Variants in DNAH7 observed in about 807,000 individuals in gnomAD.
The protein encoded by DNAH7 is axonemal beta dynein heavy chain 7.
A neutral mutation model predicts 444.6 loss-of-function variants in DNAH7; 397 were observed. That is an observed-to-expected ratio of 0.89 (90% CI 0.82 to 0.97). DNAH7 has a LOEUF of 0.97. Ranked by LOEUF, DNAH7 falls within the 50% of genes least tolerant of loss-of-function variation. The pLI is 0.00. For synonymous variants in DNAH7, 1,636 were observed against 1,624.4 expected (o/e 1.01, Z -0.17); for missense variants, 4,902 against 4,800.8 (o/e 1.02, Z -0.62).
At chr2:195,870,982 C>A (rs1700652215) in intron 40 of DNAH7, among the ~76,000 whole-genome samples, 3 of 152,088 alleles carry the variant, frequency 2.0e-5, no homozygotes, top group Admixed American at 2.0e-4. Context: ...CCCATGTGGC[C>A]CCCAAACACA....
At chr2:195,818,471 TCTC>T (rs1173543905) in intron 49 of DNAH7, among the ~76,000 whole-genome samples, 1 of 152,128 alleles carries the variant, frequency 6.6e-6, no homozygotes, top group Non-Finnish European at 1.5e-5. Flanking sequence ...ATTGTCCACA[TCTC>T]CTGTTTCTTT....
chr2:195,836,647 C>A (rs1698389527), intron 47 of DNAH7, among the ~76,000 whole-genome samples: 1 of 151,754 alleles, frequency 6.6e-6, no homozygotes, highest in African/African-American at 2.4e-5. Flanking sequence ...ATCTTAGATG[C>A]AATTAACTAA....
intron 61 of DNAH7, among the ~76,000 whole-genome samples, chr2:195,770,959 G>A (rs916517440): frequency 6.7e-6 from 1 of 149,724 alleles, no homozygotes; most frequent in Admixed American, 6.7e-5. Context: ...GCCTCCCAAA[G>A]TGCTAGGATT....
chr2:196,049,907 T>C lies in DNAH7; in HGVS notation c.141+1280A>G, dbSNP rs1697361582. Among the ~76,000 whole-genome samples the C allele has an allele frequency of 2.6e-5, 4 of 152,240 alleles. No individual in the cohort carries two copies. The South Asian group carries it at 6.2e-4, about 24-fold the overall frequency. On this transcript the variant is annotated intron_variant, in intron 3 of 64. Transcript: ENST00000312428. ...TATTCCATTTCAGTTTTTTATCTTT[T>C]ACACTAGAAAATTAAGAGGGATTTT...
At chr2:195,887,790 A>C in intron 33 of DNAH7, among the ~76,000 whole-genome samples, 1 of 151,978 alleles carries the variant, frequency 6.6e-6, no homozygotes, top group South Asian at 2.1e-4. Context: ...GGAGATTCCC[A>C]TTTCCTTGTC....
At position 195,988,039 on chromosome 2, in the gene DNAH7, T is replaced by C. The variant is rs758919488; in HGVS notation, c.1544A>G (p.Glu515Gly). The C allele has an allele frequency of 3.7e-6, 6 of 1,613,434 alleles. No homozygotes were observed. Among genetic ancestry groups the C allele is most frequent in the Non-Finnish European group, 5.1e-6 (6 of 1,179,716 alleles). The part of the protein sequence containing the change: ...AERDVDNFLA[E>G]NHSYEKIIDE... The stretch of plus-strand genomic sequence containing the variant: ...TATTATTTTTTCATAACTATGATTT[T>C]CTGCGAGGAAGTTATCAACATCTCG... Residue 515 changes from glutamate to glycine, a missense_variant, in exon 13 of 65, where the codon GAA becomes GGA. By Grantham distance (98) the Glu-to-Gly change is moderately conservative (BLOSUM62 -2). Coordinates refer to ENST00000312428, the MANE Select transcript of DNAH7 (RefSeq NM_018897.3).
intron 15 of DNAH7, among the ~76,000 whole-genome samples, chr2:195,979,327 A>G (rs543344531): frequency 1.1e-4 from 16 of 152,298 alleles, no homozygotes; most frequent in African/African-American, 3.8e-4. Flanking sequence ...GGAATTTTGG[A>G]AACTACACAA....
intron 40 of DNAH7, among the ~76,000 whole-genome samples, chr2:195,871,240 T>C (rs1397349738): frequency 2.6e-5 from 4 of 152,218 alleles, no homozygotes; most frequent in South Asian, 2.1e-4. Context: ...TTTTGAAATT[T>C]ATATCTCTGT....
At chr2:196,031,320 C>T (rs1320680524) in intron 5 of DNAH7, among the ~76,000 whole-genome samples, 1 of 152,200 alleles carries the variant, frequency 6.6e-6, no homozygotes, top group Non-Finnish European at 1.5e-5. Context: ...GACCCTGGGC[C>T]TGGCCCACAG....
intron 17 of DNAH7, among the ~76,000 whole-genome samples, chr2:195,962,614 T>G (rs992624471): frequency 6.6e-6 from 1 of 152,224 alleles, no homozygotes; most frequent in Non-Finnish European, 1.5e-5. Context: ...CCTCCCAAAG[T>G]GCTGGGATTA....
chr2:195,739,278 A>G (rs1559060758), intron 64 of DNAH7, among the ~76,000 whole-genome samples: 1 of 152,186 alleles, frequency 6.6e-6, no homozygotes, highest in Non-Finnish European at 1.5e-5. Context: ...GTATTTTAAA[A>G]TGTATGACAG....
rs1170318086 is a variant in DNAH7, at chr2:195,809,642, TTAAC to T, written c.9888+99_9888+102del. ...CTATAATAACAAACAGTATTATTGC[TTAAC>T]TATTTACAATCTTTTTATATATATT... On this transcript the variant is annotated intron_variant, in intron 52 of 64. Coordinates refer to ENST00000312428, the MANE Select transcript of DNAH7 (RefSeq NM_018897.3). 8 of 1,105,200 alleles carry T rather than the reference TTAAC, an allele frequency of 7.2e-6. No individual in the cohort carries two copies. The African/African-American group carries it at 1.3e-4, about 18-fold the overall frequency. The allele number at this position is 1,105,200 out of a possible 1,614,324, so 68.5% of individuals were successfully genotyped here.
chr2:195,812,608 C>G (rs1482325558), intron 51 of DNAH7, among the ~76,000 whole-genome samples: 2 of 152,132 alleles, frequency 1.3e-5, no homozygotes, highest in African/African-American at 4.8e-5. Flanking sequence ...ATATACCATA[C>G]TAGTCGTAAC....
chr2:195,772,330 C>T (rs1336153889), intron 60 of DNAH7, among the ~76,000 whole-genome samples: 1 of 152,154 alleles, frequency 6.6e-6, no homozygotes, highest in Non-Finnish European at 1.5e-5. Context: ...CTGGTGTCTA[C>T]TGGTTGCCAA....
chr2:195,817,262 C>T (rs1209159781), intron 50 of DNAH7, among the ~76,000 whole-genome samples: 2 of 152,110 alleles, frequency 1.3e-5, no homozygotes, highest in East Asian at 3.9e-4. Context: ...GAAAGTAGCA[C>T]TCCATTTATT....
At chr2:195,962,262 C>T (rs1289923251) in intron 17 of DNAH7, among the ~76,000 whole-genome samples, 6 of 152,124 alleles carry the variant, frequency 3.9e-5, no homozygotes, top group Non-Finnish European at 7.4e-5. Context: ...ACTTTGATAG[C>T]GGTATACAAT....
chr2:195,817,569 T>C, intron 50 of DNAH7, 127 bp downstream of exon 50: 5 of 1,010,158 alleles, frequency 4.9e-6, no homozygotes, highest in Non-Finnish European at 6.8e-6. Flanking sequence ...TTCCTTACAT[T>C]TTCCTGTTAT....
chr2:195,804,768 A>G (rs1165742962), intron 54 of DNAH7, among the ~76,000 whole-genome samples: 1 of 152,192 alleles, frequency 6.6e-6, no homozygotes, highest in Non-Finnish European at 1.5e-5. Flanking sequence ...GTATGGACAC[A>G]ATCCTCCCAC....
intron 12 of DNAH7, chr2:195,994,898 C>CA (rs1693592700): frequency 5.4e-6 from 2 of 367,460 alleles, no homozygotes; most frequent in Admixed American, 7.6e-5. Context: ...AGCATGTCCT[C>CA]ATCCTCAGAC....
Sources: allele counts gnomAD v4.1 joint callset (sites outside exome capture counted in the v4.1 genomes callset), GRCh38; gene constraint gnomAD v4.1.1; transcripts MANE v1.5; gene names NCBI Gene and HGNC (gene_info 2026-07-23, HGNC 2026-07-21).